Variants in CCDC57 observed in about 807,000 individuals in gnomAD.
The protein encoded by CCDC57 is coiled-coil domain-containing protein 57.
A neutral mutation model predicts 118.9 loss-of-function variants in CCDC57; 118 were observed. The ratio of observed to expected loss-of-function variants is 0.99; its 90% CI spans 0.86 to 1.16. The LOEUF is 1.16. Ranked by LOEUF, CCDC57 falls within the 50% of genes most tolerant of loss-of-function variation. The pLI is 0.00. For missense variants in CCDC57, 1,300 were observed against 1,320.7 expected (o/e 0.98, Z 0.24); for synonymous variants, 527 against 532.9 (o/e 0.99, Z 0.15).
chr17:82,193,524 C>A (rs1471079727), intron 7 of CCDC57, among the ~76,000 whole-genome samples: 1 of 149,394 alleles, frequency 6.7e-6, no homozygotes, highest in Admixed American at 6.7e-5. Flanking sequence ...CCAGCCTGGG[C>A]ACAGAGCAAG....
At chr17:82,107,358 A>G (rs780064960) in intron 19 of CCDC57, 8 of 377,572 alleles carry the variant, frequency 2.1e-5, no homozygotes, top group Admixed American at 8.2e-5. Flanking sequence ...CGGGTGGGGC[A>G]CAGATGCCGC....
chr17:82,183,038 C>T (rs565662532), intron 9 of CCDC57, among the ~76,000 whole-genome samples: 4 of 152,274 alleles, frequency 2.6e-5, no homozygotes, highest in Admixed American at 6.5e-5. Flanking sequence ...AGCACAGCAT[C>T]GGGGAAACCG....
rs756224036 is a variant in CCDC57, at chr17:82,172,807, C to T, written c.1560G>A (p.Glu520=). The T allele has an allele frequency of 2.5e-6, 4 of 1,613,520 alleles. No individual in the cohort carries two copies. Among genetic ancestry groups the T allele is most frequent in the Non-Finnish European group, 3.4e-6 (4 of 1,179,786 alleles). ...TGTTCTGCTCTCGGAGCCGCTGGAT[C>T]TCACTGGATGGAAAGTCTTTACTTA... The change falls in exon 12 of 20, where the codon GAG becomes GAA. Residue 520 remains glutamate (E), a synonymous_variant. Coordinates refer to ENST00000665763, the Ensembl canonical transcript of CCDC57. The surrounding 1 kb of genome is among the most constrained non-coding windows in gnomAD (Gnocchi z 5.2).
chr17:82,154,469 G>A (rs1173797219), intron 15 of CCDC57: 1 of 152,434 alleles, frequency 6.6e-6, no homozygotes, highest in Non-Finnish European at 1.5e-5. Flanking sequence ...TCACACCTCA[G>A]TACTTGGGTG....
intron 13 of CCDC57, among the ~76,000 whole-genome samples, chr17:82,169,785 T>G (rs2044452010): frequency 6.6e-6 from 1 of 152,204 alleles, no homozygotes; most frequent in Non-Finnish European, 1.5e-5. Flanking sequence ...AAAAGAAAGC[T>G]AGAATGCTAG....
At chr17:82,133,431 CAAA>C (rs71166189) in intron 17 of CCDC57, among the ~76,000 whole-genome samples, 1 of 38,398 alleles carries the variant, frequency 2.6e-5, no homozygotes, top group Non-Finnish European at 4.8e-5. Flanking sequence ...GGCCCTGTCT[CAAA>C]AAAAAAAAAA....
chr17:82,129,756 T>G (rs2038048979), intron 17 of CCDC57, among the ~76,000 whole-genome samples: 1 of 152,038 alleles, frequency 6.6e-6, no homozygotes, highest in Admixed American at 6.6e-5. Context: ...ATGGCACCAT[T>G]TACTATTAAA....
intron 15 of CCDC57, chr17:82,156,603 CCT>C (rs796202880): frequency 5.5e-4 from 84 of 152,422 alleles, no homozygotes; most frequent in African/African-American, 1.9e-3. Flanking sequence ...GCTGGAGACC[CCT>C]GAGGACAAGA....
intron 13 of CCDC57, among the ~76,000 whole-genome samples, chr17:82,168,588 C>T (rs1280193783): frequency 6.6e-6 from 1 of 151,804 alleles, no homozygotes; most frequent in Non-Finnish European, 1.5e-5. Context: ...ACAGAGACTC[C>T]GTCTCAAAAA....
chr17:82,134,509 A>G (rs1217718265), intron 16 of CCDC57, among the ~76,000 whole-genome samples: 1 of 152,014 alleles, frequency 6.6e-6, no homozygotes, highest in Non-Finnish European at 1.5e-5. Context: ...AGAAGCAAAA[A>G]CTTGCCAGGT....
chr17:82,134,774 A>C lies in CCDC57; in HGVS notation c.2456-580T>G, dbSNP rs987421866. On this transcript the variant is annotated intron_variant, in intron 16 of 19. Transcript: ENST00000665763. ...ATGCCACTGCACTCCATCCTGGGTA[A>C]CTCCATCTCAAAAAGCAAGCAAACA... Among the ~76,000 whole-genome samples, 11 of 144,394 alleles carry C rather than the reference A, an allele frequency of 7.6e-5. No individual in the cohort carries two copies. The East Asian group carries it at 2.1e-3, about 27-fold the overall frequency. The allele number at this position is 144,394 out of a possible 152,430, so 94.7% of individuals were successfully genotyped here.
rs139138086 is a variant in CCDC57 at position 82,180,086 on chromosome 17, C to T, written c.1212-897G>A. ...GACTCTCCTGCTGGCCTCATTGCAC[C>T]GGTAAACTTCAGGGAGTTCGAATGA... On this transcript the variant is annotated intron_variant, in intron 9 of 19. Transcript: ENST00000665763. 3.3e-5 allele frequency among the ~76,000 whole-genome samples: 5 copies of T among 152,280 alleles called. No homozygotes were observed. In the East Asian group the frequency reaches 9.7e-4, roughly 29 times the overall value.
chr17:82,209,454 G>T (rs958343201), intron 1 of CCDC57, among the ~76,000 whole-genome samples: 1 of 152,144 alleles, frequency 6.6e-6, no homozygotes, highest in African/African-American at 2.4e-5. Flanking sequence ...TTACAAGTGC[G>T]TAACTTGTAA....
At chr17:82,122,990 CT>C (rs1395571121) in intron 19 of CCDC57, among the ~76,000 whole-genome samples, 1 of 152,314 alleles carries the variant, frequency 6.6e-6, no homozygotes, top group South Asian at 2.1e-4. Context: ...TACTACCCCC[CT>C]GAGACCACAC....
intron 13 of CCDC57, among the ~76,000 whole-genome samples, chr17:82,167,737 T>C (rs1430784935): frequency 6.6e-6 from 1 of 152,114 alleles, no homozygotes; most frequent in Non-Finnish European, 1.5e-5. Context: ...CACCTCGGCC[T>C]CCCAAAGTGC....
At chr17:82,128,830 C>A (rs1439351481) in intron 17 of CCDC57, among the ~76,000 whole-genome samples, 2 of 152,208 alleles carry the variant, frequency 1.3e-5, no homozygotes, top group Non-Finnish European at 2.9e-5. Flanking sequence ...GCCAGGGCAG[C>A]CTATGCATGG....
rs55713414 is a variant in CCDC57 at position 82,199,477 on chromosome 17, C to CAAAAAAA, written c.408-1062_408-1056dup. On this transcript the variant is annotated intron_variant, in intron 3 of 19. Transcript: ENST00000665763. ...TGGGCGACAGAGCAAGACTCTGTCT[C>CAAAAAAA]AAAAAAAAAAAAAGAGTGTGAGACT... Among the ~76,000 whole-genome samples the CAAAAAAA allele has an allele frequency of 4.6e-5, 4 of 87,718 alleles. 1 individual carries two copies. Among genetic ancestry groups the CAAAAAAA allele is most frequent in the African/African-American group, 1.8e-4 (4 of 22,350 alleles). The allele number at this position is 87,718 out of a possible 152,430, so 57.5% of individuals were successfully genotyped here. A position where few individuals can be genotyped will look rare whatever the true frequency, so the allele number is the denominator to read the frequency against.
At chr17:82,186,846 G>A (rs1287660376) in intron 8 of CCDC57, among the ~76,000 whole-genome samples, 1 of 152,118 alleles carries the variant, frequency 6.6e-6, no homozygotes, top group Non-Finnish European at 1.5e-5. Context: ...GGAGGCTGAG[G>A]CGGGAGGATC....
rs2036235219 is a variant in CCDC57 at position 82,118,645 on chromosome 17, T to C, written c.2899+9047A>G. Among the ~76,000 whole-genome samples the C allele has an allele frequency of 6.6e-6, 1 of 151,978 alleles. No homozygotes were observed. The highest frequency in any genetic ancestry group is 6.6e-5 in the Admixed American group (1 of 15,242). ...GTCGGCTTCAGAAGCAGGTATTTCT[T>C]TGGGGTGAGGTCAGACATCTGCCTG... is the stretch of plus-strand genomic sequence containing the variant. On this transcript the variant is annotated intron_variant, in intron 19 of 19. Transcript: ENST00000665763. This position sits in a 1 kb window ranked among gnomAD's most constrained non-coding sequence, Gnocchi z 4.7.
Sources: gnomAD v4.1 joint callset for allele counts (sites outside exome capture counted in the v4.1 genomes callset) on GRCh38, gnomAD v4.1.1 for gene constraint, Gnocchi (gnomAD v3.1) non-coding constraint, MANE v1.5 for transcripts, NCBI Gene and HGNC (gene_info 2026-07-23, HGNC 2026-07-21) for gene names.